PCDHGB2: variants seen among roughly 807,000 people sequenced by gnomAD.
PCDHGB2 encodes the protein protocadherin gamma-B2.
In PCDHGB2, 55 loss-of-function variants were observed where a neutral mutation model predicts 59.3. That is an observed-to-expected ratio of 0.93 (90% CI 0.75 to 1.16). The LOEUF (loss-of-function observed/expected upper bound fraction) is 1.16. PCDHGB2 is among the 50% of genes most tolerant of loss of function. The pLI is 0.00. For missense variants in PCDHGB2, 1,228 were observed against 1,198.5 expected, an observed-to-expected ratio of 1.02 and a Z score of -0.36; for synonymous variants, 516 against 512.0, an observed-to-expected ratio of 1.01 and a Z score of -0.11.
rs779792543 is a variant in PCDHGB2 at position 141,486,994 on chromosome 5, C to T, written c.2422-7813C>T. ...ATTCAGGTTACAATGCTTGGGTTTCCTATCAGCTCCTGGAGGCCCCAGATC... is the reference window on the plus strand; with the variant it reads ...ATTCAGGTTACAATGCTTGGGTTTCTTATCAGCTCCTGGAGGCCCCAGATC... On this transcript the variant is annotated intron_variant, in intron 1 of 3. Coordinates refer to ENST00000522605, the MANE Select transcript of PCDHGB2 (RefSeq NM_018923.3). This position sits in a 1 kb window ranked among gnomAD's most constrained non-coding sequence, Gnocchi z 5.0. The T allele has an allele frequency of 6.2e-7, 1 of 1,614,214 alleles. No individual in the cohort carries two copies. The highest frequency in any genetic ancestry group is 8.5e-7 in the Non-Finnish European group (1 of 1,180,034).
intron 1 of PCDHGB2, chr5:141,399,627 C>T (rs751717107): frequency 1.2e-6 from 2 of 1,613,906 alleles, no homozygotes; most frequent in Non-Finnish European, 1.7e-6. Context: ...TGGCCTCTTA[C>T]GTGTCCATGA....
At chr5:141,418,369 C>G (rs763319499) in intron 1 of PCDHGB2, 62 of 1,613,842 alleles carry the variant, frequency 3.8e-5, no homozygotes, top group Non-Finnish European at 4.8e-5. Context: ...TGAGCAAATA[C>G]CAACTAAGTC....
chr5:141,401,272 G>A (rs998700154), intron 1 of PCDHGB2, among the ~76,000 whole-genome samples: 1 of 152,172 alleles, frequency 6.6e-6, no homozygotes. Flanking sequence ...AACCTGGCAG[G>A]TGGAGGTTGC....
In PCDHGB2 at chr5:141,511,161, G is replaced by A; in HGVS notation, c.2784G>A (p.Lys928=). 1 of 1,614,176 alleles carries A rather than the reference G, an allele frequency of 6.2e-7. No individual in the cohort carries two copies. The highest frequency in any genetic ancestry group is 8.5e-7 in the Non-Finnish European group (1 of 1,180,010). ...GNGNKKKSGK[K]EKK ...GCAACAAGAAGAAGTCGGGCAAGAA[G>A]GAGAAGAAGTAACATGGAGGCCAGG... Residue 928 remains lysine, a synonymous_variant, in exon 4 of 4, where the codon AAG becomes AAA. Transcript: ENST00000522605.
rs188338684 is a variant in PCDHGB2, at chr5:141,431,953, C to T, written c.2422-62854C>T. ...TGCCCTTTAAATTAGAAAAATCTTA[C>T]GGAAATTACTATAGTTTAGTCACAG... On this transcript the variant is annotated intron_variant, in intron 1 of 3. Transcript: ENST00000522605. The surrounding 1 kb of genome is among the most constrained non-coding windows in gnomAD (Gnocchi z 4.8). 2.4e-5 allele frequency: 38 copies of T among 1,614,082 alleles called. No homozygotes were observed. In the East Asian group the frequency reaches 7.6e-4, roughly 32 times the overall value.
intron 1 of PCDHGB2, chr5:141,478,808 T>A: frequency 3.4e-6 from 5 of 1,459,124 alleles, no homozygotes; most frequent in Non-Finnish European, 4.5e-6. Context: ...TCTTTTGCTA[T>A]CACAACTAAC....
intron 1 of PCDHGB2, chr5:141,408,367 G>T: frequency 6.2e-7 from 1 of 1,613,998 alleles, no homozygotes; most frequent in Non-Finnish European, 8.5e-7. Context: ...AGGATCTAGG[G>T]CTCAGTGTCC....
intron 1 of PCDHGB2, chr5:141,391,234 G>C (rs2092322160): frequency 6.6e-6 from 1 of 151,932 alleles, no homozygotes; most frequent in African/African-American, 2.4e-5. Context: ...CCTTTTGCTA[G>C]GTATATCTAA....
At chr5:141,414,310 G>A in intron 1 of PCDHGB2, 1 of 1,613,722 alleles carries the variant, frequency 6.2e-7, no homozygotes, top group South Asian at 1.1e-5. Context: ...GCATGATTTA[G>A]ACTCTGAGCA....
chr5:141,371,294 A>T, intron 1 of PCDHGB2: 2 of 1,614,012 alleles, frequency 1.2e-6, no homozygotes, highest in Non-Finnish European at 1.7e-6. Flanking sequence ...AAACGGGGGA[A>T]CTCACCACTA....
intron 1 of PCDHGB2, chr5:141,424,652 G>T (rs1392693867): frequency 6.6e-6 from 1 of 152,120 alleles, no homozygotes; most frequent in East Asian, 1.9e-4. Context: ...AAGGTATTTG[G>T]ACTTTAATTA....
At chr5:141,461,963 C>T (rs1396490046) in intron 1 of PCDHGB2, among the ~76,000 whole-genome samples, 1 of 152,084 alleles carries the variant, frequency 6.6e-6, no homozygotes, top group Non-Finnish European at 1.5e-5. Flanking sequence ...AGCTGGGATT[C>T]CAGGCATATG....
At chr5:141,447,725 C>G (rs1009407606) in intron 1 of PCDHGB2, among the ~76,000 whole-genome samples, 4 of 152,174 alleles carry the variant, frequency 2.6e-5, no homozygotes, top group African/African-American at 9.7e-5. Context: ...TTTTCCAAAA[C>G]TCATTGAACT....
chr5:141,503,777 G>A (rs2099830497), intron 2 of PCDHGB2, among the ~76,000 whole-genome samples: 1 of 152,074 alleles, frequency 6.6e-6, no homozygotes, highest in South Asian at 2.1e-4. Context: ...TCTGTTCTTA[G>A]GCTGAGTTCA....
chr5:141,410,161 A>C (rs2095363664), intron 1 of PCDHGB2: 1 of 1,613,220 alleles, frequency 6.2e-7, no homozygotes, highest in African/African-American at 1.3e-5. Context: ...GACAGCCGCC[A>C]CTCTCTGCCA....
chr5:141,508,270 G>C lies in PCDHGB2; in HGVS notation c.2570-2677G>C, dbSNP rs547745015. On this transcript the variant is annotated intron_variant, in intron 3 of 3. Coordinates refer to ENST00000522605, the MANE Select transcript of PCDHGB2 (RefSeq NM_018923.3). Reference sequence around the variant, plus strand: ...TCTCCTGGGACCAAGAGAAAATCCCGGTCCTTGACCAAGGTGGGCCTTGGG... The same window carrying C: ...TCTCCTGGGACCAAGAGAAAATCCCCGTCCTTGACCAAGGTGGGCCTTGGG... 4 of 152,228 alleles carry C rather than the reference G, an allele frequency of 2.6e-5. No individual in the cohort carries two copies. The East Asian group carries it at 7.7e-4, about 29-fold the overall frequency. 9.4% of individuals were successfully genotyped at this position (152,228 alleles called of 1,614,324 possible). A position where few individuals can be genotyped will look rare whatever the true frequency, so the allele number is the denominator to read the frequency against.
rs1258181913 is a variant in PCDHGB2, at chr5:141,366,360, G to A, written c.2421+3804G>A. ...CCTGACATCCTGGCTGACCTAGGCA[G>A]TATCAAGACCCCCATTGACCCTGAG... On this transcript the variant is annotated intron_variant, in intron 1 of 3. Coordinates refer to ENST00000522605, the MANE Select transcript of PCDHGB2 (RefSeq NM_018923.3). The A allele has an allele frequency of 9.3e-6, 15 of 1,614,022 alleles. No homozygotes were observed. The highest frequency in any genetic ancestry group is 1.3e-5 in the African/African-American group (1 of 75,076).
intron 1 of PCDHGB2, chr5:141,370,394 G>A (rs758929639): frequency 1.3e-6 from 2 of 1,547,668 alleles, no homozygotes; most frequent in African/African-American, 1.4e-5. Flanking sequence ...CAGAGAGCGG[G>A]ATGGGAAATA....
intron 1 of PCDHGB2, chr5:141,403,102 G>A (rs765706858): frequency 9.3e-6 from 15 of 1,613,928 alleles, no homozygotes; most frequent in Non-Finnish European, 1.3e-5. Flanking sequence ...ACATCTCCAA[G>A]GACCTGGCTC....
Sources: allele counts gnomAD v4.1 joint callset (sites outside exome capture counted in the v4.1 genomes callset), GRCh38; gene constraint gnomAD v4.1.1; non-coding constraint Gnocchi (gnomAD v3.1); transcripts MANE v1.5; gene names NCBI Gene and HGNC (gene_info 2026-07-23, HGNC 2026-07-21).